DPP3: variants seen among roughly 807,000 people sequenced by gnomAD.
DPP3 encodes the protein DPP III.
Under a neutral mutation model 89.8 loss-of-function variants are expected in DPP3, and 64 were observed. That is an observed-to-expected ratio of 0.71 (90% confidence interval 0.58 to 0.88). The LOEUF is 0.88. Among genes scored for constraint, DPP3 ranks in the 40% least tolerant of loss-of-function variants. The pLI is 0.00. For synonymous variants in DPP3, 377 were observed against 404.3 expected (o/e 0.93, Z 0.81); for missense variants, 835 against 972.5 (o/e 0.86, Z 1.88).
chr11:66,488,078 C>T (rs1855283729), intron 6 of DPP3, 71 bp downstream of exon 6: 2 of 1,309,372 alleles, frequency 1.5e-6, no homozygotes, highest in African/African-American at 2.9e-5. Context: ...TCAGGTCCTA[C>T]CAACTCTGCC....
chr11:66,491,714 G>A lies in DPP3; in HGVS notation c.946G>A (p.Glu316Lys), dbSNP rs201264826. The stretch of plus-strand genomic sequence containing the variant: ...CTCCCCCAGTTACATCGGGTTCATC[G>A]AGAGCTACCGCGACCCCTTTGGTTC... ...PIVESYIGFI[E>K]SYRDPFGSRG... The change falls in exon 9 of 18, where the codon GAG becomes AAG. Residue 316 changes from glutamate to lysine, a missense_variant. Coordinates refer to ENST00000531863, the MANE Select transcript of DPP3 (RefSeq NM_130443.4). 5.6e-6 allele frequency: 9 copies of A among 1,607,234 alleles called. No individual in the cohort carries two copies. The highest frequency in any genetic ancestry group is 2.2e-5 in the East Asian group (1 of 44,690).
At chr11:66,480,762 A>G in intron 1 of DPP3, 1 of 339,514 alleles carries the variant, frequency 2.9e-6, no homozygotes, top group Non-Finnish European at 5.3e-6. Context: ...GGGTTGGGGA[A>G]TCCCCGGGTT....
In DPP3 at chr11:66,495,240, C is replaced by T. The variant is rs147328602; in HGVS notation, c.1424C>T (p.Thr475Ile). 3.4e-5 allele frequency: 55 copies of T among 1,612,658 alleles called. No homozygotes were observed. Among genetic ancestry groups the T allele is most frequent in the Non-Finnish European group, 4.4e-5 (52 of 1,180,036 alleles). Reference sequence around the variant, plus strand: ...GGAGCATTCAACTTTGACCAGGAAACAGTGATCAACCCAGAGACGGGCGAG... The same window carrying T: ...GGAGCATTCAACTTTGACCAGGAAATAGTGATCAACCCAGAGACGGGCGAG... ...EKGAFNFDQE[T>I]VINPETGEQI... Residue 475 changes from threonine (T) to isoleucine (I), a missense_variant, in exon 13 of 18, where the codon ACA becomes ATA. Coordinates refer to ENST00000531863, the MANE Select transcript of DPP3 (RefSeq NM_130443.4).
At chr11:66,492,244 C>T (rs1855411888) in intron 9 of DPP3, among the ~76,000 whole-genome samples, 1 of 152,210 alleles carries the variant, frequency 6.6e-6, no homozygotes, top group African/African-American at 2.4e-5. Context: ...TGGACCTGAC[C>T]CGGGGCTGTC....
intron 17 of DPP3, among the ~76,000 whole-genome samples, chr11:66,504,983 C>T (rs943581445): frequency 1.3e-5 from 2 of 152,160 alleles, no homozygotes; most frequent in Non-Finnish European, 2.9e-5. Flanking sequence ...GACACACACA[C>T]AGTCATGCAA....
intron 3 of DPP3, among the ~76,000 whole-genome samples, chr11:66,485,624 A>G (rs1855204709): frequency 6.6e-6 from 1 of 152,220 alleles, no homozygotes; most frequent in East Asian, 1.9e-4. Flanking sequence ...ACTTGAGCCT[A>G]TCTCGGGCAG....
intron 1 of DPP3, chr11:66,480,745 A>C: frequency 2.8e-6 from 1 of 357,720 alleles, no homozygotes; most frequent in Non-Finnish European, 5.0e-6. Context: ...GGCGGGGAGA[A>C]TGCCCCGGGT....
intron 16 of DPP3, among the ~76,000 whole-genome samples, chr11:66,503,198 C>T (rs1855721717): frequency 1.3e-5 from 2 of 151,312 alleles, no homozygotes; most frequent in Admixed American, 1.3e-4. Context: ...AACTCCTGAC[C>T]TCAGGTGATC....
intron 10 of DPP3, 66 bp downstream of exon 10, chr11:66,492,976 A>G (rs1855435075): frequency 1.3e-6 from 2 of 1,591,672 alleles, no homozygotes; most frequent in African/African-American, 1.3e-5. Context: ...CTCCCTGTCC[A>G]CACACACACC....
At chr11:66,499,422 G>A (rs1855625724) in intron 16 of DPP3, among the ~76,000 whole-genome samples, 1 of 151,940 alleles carries the variant, frequency 6.6e-6, no homozygotes, top group Non-Finnish European at 1.5e-5. Context: ...GTTAGGCCCC[G>A]CTTATCCACA....
intron 17 of DPP3, among the ~76,000 whole-genome samples, chr11:66,506,615 C>T (rs183894873): frequency 6.6e-6 from 1 of 152,136 alleles, no homozygotes; most frequent in African/African-American, 2.4e-5. Flanking sequence ...CAGAGGCTTC[C>T]TGGGATTTGG....
At chr11:66,495,175 G>A (rs769816030) in intron 12 of DPP3, 31 bp from the exon 13 acceptor site, 34 of 1,612,140 alleles carry the variant, frequency 2.1e-5, no homozygotes, top group Middle Eastern at 2.3e-4. Flanking sequence ...AGTTGGGGGC[G>A]CCTTTCCCTC....
chr11:66,509,396 C>A lies in DPP3; in HGVS notation c.*145C>A. Reference sequence around the variant, plus strand: ...CTCAGCTGAGGGTGGTGACACAACCCCTTCCATTTGTCAGCACTTTCCAGC... The same window carrying A: ...CTCAGCTGAGGGTGGTGACACAACCACTTCCATTTGTCAGCACTTTCCAGC... On this transcript the variant is annotated 3_prime_UTR_variant, in exon 18 of 18. Coordinates refer to ENST00000531863, the MANE Select transcript of DPP3 (RefSeq NM_130443.4). 6.5e-7 allele frequency: 1 copy of A among 1,537,540 alleles called. No homozygotes were observed. The highest frequency in any genetic ancestry group is 8.7e-7 in the Non-Finnish European group (1 of 1,146,832).
At chr11:66,508,332 AC>A (rs1249226102) in intron 17 of DPP3, among the ~76,000 whole-genome samples, 1 of 151,976 alleles carries the variant, frequency 6.6e-6, no homozygotes, top group Non-Finnish European at 1.5e-5. Context: ...TTTGTTGAGC[AC>A]CCCCTCGATG....
chr11:66,486,476 A>G, intron 3 of DPP3, 64 bp from the exon 4 acceptor site: 3 of 1,430,238 alleles, frequency 2.1e-6, no homozygotes, highest in Non-Finnish European at 2.8e-6. Context: ...GGGAGTGGGT[A>G]GGGAGGCTCT....
chr11:66,497,156 G>A, intron 15 of DPP3, 142 bp from the exon 16 acceptor site: 1 of 1,022,598 alleles, frequency 9.8e-7, no homozygotes, highest in Admixed American at 2.6e-5. Context: ...GCAGGGTTGG[G>A]GAGAATGACA....
chr11:66,496,384 T>C (rs547282177), intron 15 of DPP3, among the ~76,000 whole-genome samples: 52 of 151,538 alleles, frequency 3.4e-4, no homozygotes, highest in African/African-American at 1.2e-3. Context: ...GCTGGGACTA[T>C]AGGCGCACCA....
chr11:66,499,307 G>C (rs953561318), intron 16 of DPP3, among the ~76,000 whole-genome samples: 41 of 151,756 alleles, frequency 2.7e-4, no homozygotes, highest in African/African-American at 8.2e-4. Context: ...AGGTTGCAGT[G>C]AGCCGAGATT....
At chr11:66,491,012 G>C (rs549361790) in intron 6 of DPP3, among the ~76,000 whole-genome samples, 5 of 152,140 alleles carry the variant, frequency 3.3e-5, no homozygotes, top group African/African-American at 1.2e-4. Context: ...CAGGCGATCT[G>C]CCCGTCTCAG....
Sources: gnomAD v4.1 joint callset for allele counts (sites outside exome capture counted in the v4.1 genomes callset) on GRCh38, gnomAD v4.1.1 for gene constraint, MANE v1.5 for transcripts, NCBI Gene and HGNC (gene_info 2026-07-23, HGNC 2026-07-21) for gene names.